MAP3K5: variants seen among roughly 807,000 people sequenced by gnomAD.
MAP3K5 encodes the protein mitogen-activated protein kinase kinase kinase 5.
MAP3K5 carries 56 observed loss-of-function variants against 158.7 expected under a neutral mutation model. The observed-to-expected ratio is 0.35, with a 90% CI of 0.28 to 0.44. The LOEUF is 0.44. Among genes scored for constraint, MAP3K5 ranks in the 20% least tolerant of loss-of-function variants. The pLI is 1.00. For synonymous variants in MAP3K5, 579 were observed against 601.7 expected (o/e 0.96, Z 0.55); for missense variants, 1,294 against 1,674.8 (o/e 0.77, Z 3.97).
chr6:136,782,423 T>A (rs1295510166), intron 1 of MAP3K5, among the ~76,000 whole-genome samples: 1 of 152,218 alleles, frequency 6.6e-6, no homozygotes, highest in Admixed American at 6.5e-5. Context: ...ATGATGCTGA[T>A]TGATACTGAC....
intron 1 of MAP3K5, among the ~76,000 whole-genome samples, chr6:136,735,946 C>T (rs1782441883): frequency 6.6e-6 from 1 of 152,042 alleles, no homozygotes; most frequent in Non-Finnish European, 1.5e-5. Flanking sequence ...ATCTTGCATG[C>T]CATAGAAATA....
At chr6:136,629,193 GACT>G (rs1404367788) in intron 14 of MAP3K5, 1 of 152,182 alleles carries the variant, frequency 6.6e-6, no homozygotes, top group African/African-American at 2.4e-5. Context: ...ACGAAGTGGT[GACT>G]CACTGAGTCC....
intron 1 of MAP3K5, among the ~76,000 whole-genome samples, chr6:136,741,437 G>A (rs1782704099): frequency 6.6e-6 from 1 of 151,672 alleles, no homozygotes; most frequent in South Asian, 2.1e-4. Context: ...TAACTTCACA[G>A]CTGGAGAAGC....
chr6:136,759,102 T>G (rs964237283), intron 1 of MAP3K5, among the ~76,000 whole-genome samples: 11 of 151,834 alleles, frequency 7.2e-5, no homozygotes, highest in African/African-American at 2.2e-4. Context: ...ACCTGGGAGG[T>G]GAAGGTTGCA....
chr6:136,789,617 T>C (rs1784985204), intron 1 of MAP3K5, among the ~76,000 whole-genome samples: 1 of 150,298 alleles, frequency 6.7e-6, no homozygotes. Flanking sequence ...GAGCTTCCCT[T>C]GATTCTGAGA....
At chr6:136,621,739 TAG>T (rs760495716) in intron 15 of MAP3K5, among the ~76,000 whole-genome samples, 5 of 152,192 alleles carry the variant, frequency 3.3e-5, no homozygotes, top group Non-Finnish European at 7.3e-5. Flanking sequence ...TCCGGTAAAA[TAG>T]AGTCTCTTGT....
chr6:136,763,809 C>G (rs917464073), intron 1 of MAP3K5, among the ~76,000 whole-genome samples: 1 of 152,094 alleles, frequency 6.6e-6, no homozygotes, highest in Non-Finnish European at 1.5e-5. Flanking sequence ...CATGATGGCT[C>G]TGCTCTCATG....
chr6:136,746,074 T>C (rs1782944066), intron 1 of MAP3K5, among the ~76,000 whole-genome samples: 2 of 152,218 alleles, frequency 1.3e-5, no homozygotes, highest in African/African-American at 2.4e-5. Context: ...CTGATGATGT[T>C]TGAACTAGGA....
At chr6:136,760,349 T>G (rs368342687) in intron 1 of MAP3K5, among the ~76,000 whole-genome samples, 4 of 152,308 alleles carry the variant, frequency 2.6e-5, no homozygotes, top group East Asian at 1.9e-4. Context: ...TCAAGGCACA[T>G]GCCATCTTAT....
chr6:136,705,558 G>C (rs1781036254), intron 2 of MAP3K5, among the ~76,000 whole-genome samples: 1 of 152,008 alleles, frequency 6.6e-6, no homozygotes, highest in Non-Finnish European at 1.5e-5. Flanking sequence ...CTCCCACTCT[G>C]GCCTCCCAAA....
intron 1 of MAP3K5, among the ~76,000 whole-genome samples, chr6:136,768,202 A>C: frequency 6.6e-6 from 1 of 152,232 alleles, no homozygotes; most frequent in East Asian, 1.9e-4. Context: ...AAAAACAGAT[A>C]AATACGGACT....
At chr6:136,674,748 T>C (rs1215094276) in intron 7 of MAP3K5, among the ~76,000 whole-genome samples, 1 of 151,848 alleles carries the variant, frequency 6.6e-6, no homozygotes, top group African/African-American at 2.4e-5. Context: ...GTAACCCTAA[T>C]AAAAAAATCT....
intron 7 of MAP3K5, among the ~76,000 whole-genome samples, chr6:136,684,943 A>G (rs761521102): frequency 1.8e-4 from 28 of 152,166 alleles, no homozygotes; most frequent in Non-Finnish European, 4.4e-5. Flanking sequence ...ATTCATTCAA[A>G]CCATTCACTC....
At chr6:136,684,174 C>A (rs758124844) in intron 7 of MAP3K5, among the ~76,000 whole-genome samples, 1 of 151,694 alleles carries the variant, frequency 6.6e-6, no homozygotes, top group Non-Finnish European at 1.5e-5. Context: ...AGGGCTGCAG[C>A]GAGCTGTGAT....
chr6:136,609,010 C>T lies in MAP3K5; in HGVS notation c.2521+2272G>A, dbSNP rs950271517. Among the ~76,000 whole-genome samples, 7 of 152,324 alleles carry T rather than the reference C, an allele frequency of 4.6e-5. No individual in the cohort carries two copies. Among genetic ancestry groups the T allele is most frequent in the South Asian group, 4.1e-4 (2 of 4,832 alleles). On this transcript the variant is annotated intron_variant, in intron 18 of 29. Transcript: ENST00000359015. This position sits in a 1 kb window ranked among gnomAD's most constrained non-coding sequence, Gnocchi z 4.4. ...CAGATCTATACATGTTAGTGACACA[C>T]GTCACTCTTACGTGACACCAGTGGA... is the stretch of plus-strand genomic sequence containing the variant.
In MAP3K5 at chr6:136,792,319, C is replaced by T. The variant is rs1162894055; in HGVS notation, c.-162G>A. 2.9e-6 allele frequency: 3 copies of T among 1,032,952 alleles called. No individual in the cohort carries two copies. Among genetic ancestry groups the T allele is most frequent in the Non-Finnish European group, 3.5e-6 (3 of 865,288 alleles). 64.0% of individuals were successfully genotyped at this position (1,032,952 alleles called of 1,614,324 possible). ...CGCCTCCTCTCCGGCGCCCTCTCCC[C>T]CGAGGGCACGCCGCTGCCCGGCGGC... On this transcript the variant is annotated 5_prime_UTR_variant, in exon 1 of 30. Coordinates refer to ENST00000359015, the MANE Select transcript of MAP3K5 (RefSeq NM_005923.4). The surrounding 1 kb of genome is among the most constrained non-coding windows in gnomAD (Gnocchi z 5.7).
intron 1 of MAP3K5, among the ~76,000 whole-genome samples, chr6:136,765,561 G>A (rs776510214): frequency 6.6e-6 from 1 of 151,510 alleles, no homozygotes; most frequent in Non-Finnish European, 1.5e-5. Flanking sequence ...CGCCCAGGCT[G>A]GAATACAGTG....
chr6:136,628,479 G>A (rs1396731136), intron 14 of MAP3K5, among the ~76,000 whole-genome samples: 1 of 151,978 alleles, frequency 6.6e-6, no homozygotes, highest in Non-Finnish European at 1.5e-5. Flanking sequence ...CTGGGCTCAA[G>A]TGATCCTCCC....
At chr6:136,560,444 A>G (rs1054752255) in intron 28 of MAP3K5, among the ~76,000 whole-genome samples, 7 of 152,210 alleles carry the variant, frequency 4.6e-5, no homozygotes, top group African/African-American at 1.7e-4. Context: ...GCACCACAGC[A>G]TTGCAGCCTG....
Sources: gnomAD v4.1 joint callset for allele counts (sites outside exome capture counted in the v4.1 genomes callset) on GRCh38, gnomAD v4.1.1 for gene constraint, Gnocchi (gnomAD v3.1) non-coding constraint, MANE v1.5 for transcripts, NCBI Gene and HGNC (gene_info 2026-07-23, HGNC 2026-07-21) for gene names.